CSMD1: variants seen among roughly 807,000 people sequenced by gnomAD.
CSMD1 encodes the protein CUB and sushi domain-containing protein 1.
In CSMD1, 213 loss-of-function variants were observed where a neutral mutation model predicts 417.5. That is an observed-to-expected ratio of 0.51 (90% CI 0.46 to 0.57). CSMD1 has a LOEUF of 0.57. Among genes scored for constraint, CSMD1 ranks in the 20% least tolerant of loss-of-function variants. The pLI, the probability that CSMD1 is intolerant of heterozygous loss-of-function variation, is 0.00. For missense variants in CSMD1, 6,923 were observed against 4,529.7 expected, an observed-to-expected ratio of 1.53 and a Z score of -15.17; for synonymous variants, 2,862 against 1,736.8, an observed-to-expected ratio of 1.65 and a Z score of -16.11.
At position 4,637,425 on chromosome 8, in the gene CSMD1, G is replaced by C. The variant is rs775668346; in HGVS notation, c.219C>G (p.Ser73=). 1 of 1,613,694 alleles carries C rather than the reference G, an allele frequency of 6.2e-7. No homozygotes were observed. The highest frequency in any genetic ancestry group is 8.5e-7 in the Non-Finnish European group (1 of 1,179,878). The change falls in exon 2 of 70, where the codon TCC becomes TCG. Residue 73 remains serine (S), a synonymous_variant. Transcript: ENST00000635120. ...ITGERNRIQL[S]FHTFALEEDF... Reference sequence around the variant, plus strand: ...CTTCTTCAAGAGCAAAGGTATGGAAGGACAACTGTATCCTATTGCGCTCGC... The same window carrying C: ...CTTCTTCAAGAGCAAAGGTATGGAACGACAACTGTATCCTATTGCGCTCGC...
At chr8:4,527,764 G>A (rs536369572) in intron 2 of CSMD1, among the ~76,000 whole-genome samples, 49 of 152,234 alleles carry the variant, frequency 3.2e-4, no homozygotes, top group East Asian at 1.5e-3. Context: ...CACTACAATC[G>A]TAGCTATTCA....
intron 3 of CSMD1, among the ~76,000 whole-genome samples, chr8:4,377,545 T>G (rs575320946): frequency 1.3e-5 from 2 of 152,194 alleles, no homozygotes; most frequent in African/African-American, 4.8e-5. Context: ...ATACTCAAAG[T>G]TGAGTCAGTA....
At chr8:4,579,117 CA>C (rs1799287114) in intron 2 of CSMD1, among the ~76,000 whole-genome samples, 1 of 151,780 alleles carries the variant, frequency 6.6e-6, no homozygotes, top group Non-Finnish European at 1.5e-5. Flanking sequence ...ATAAAACATG[CA>C]GGAAGAGCAG....
At chr8:4,325,957 A>G (rs1490137102) in intron 3 of CSMD1, among the ~76,000 whole-genome samples, 2 of 152,150 alleles carry the variant, frequency 1.3e-5, no homozygotes, top group Non-Finnish European at 2.9e-5. Flanking sequence ...CGGTCATATC[A>G]GTCTACAGTA....
At chr8:4,550,632 G>A (rs549647136) in intron 2 of CSMD1, among the ~76,000 whole-genome samples, 1 of 151,938 alleles carries the variant, frequency 6.6e-6, no homozygotes, top group East Asian at 1.9e-4. Context: ...ATAGATGTTG[G>A]GATTTAAAAG....
chr8:3,673,889 A>G (rs1177303388), intron 7 of CSMD1, among the ~76,000 whole-genome samples: 1 of 152,106 alleles, frequency 6.6e-6, no homozygotes, highest in Non-Finnish European at 1.5e-5. Context: ...AGGCCAAGGC[A>G]GGCAGAATGC....
At chr8:3,275,495 G>C (rs1215270717) in intron 26 of CSMD1, among the ~76,000 whole-genome samples, 1 of 152,186 alleles carries the variant, frequency 6.6e-6, no homozygotes, top group Non-Finnish European at 1.5e-5. Flanking sequence ...GATTGGGGAA[G>C]TTCTCCTGGA....
At chr8:4,678,162 G>C (rs1805812403) in intron 1 of CSMD1, among the ~76,000 whole-genome samples, 1 of 151,932 alleles carries the variant, frequency 6.6e-6, no homozygotes, top group African/African-American at 2.4e-5. Flanking sequence ...TGTAATCCCA[G>C]TGCTTTAGGA....
intron 41 of CSMD1, 126 bp from the exon 42 acceptor site, chr8:3,118,713 T>A (rs1475396669): frequency 1.3e-6 from 1 of 759,360 alleles, no homozygotes; most frequent in Non-Finnish European, 2.1e-6. Flanking sequence ...ATAAGGTATA[T>A]TTTCTAAGTA....
chr8:3,718,910 G>C (rs919923162), intron 6 of CSMD1, among the ~76,000 whole-genome samples: 3 of 152,060 alleles, frequency 2.0e-5, no homozygotes, highest in East Asian at 3.9e-4. Flanking sequence ...TACACCACCG[G>C]AGCCAATTTA....
chr8:3,728,042 T>G (rs947090670), intron 6 of CSMD1, among the ~76,000 whole-genome samples: 1 of 152,120 alleles, frequency 6.6e-6, no homozygotes, highest in Non-Finnish European at 1.5e-5. Context: ...GCCCCTGAAT[T>G]GTACATTTGA....
intron 5 of CSMD1, among the ~76,000 whole-genome samples, chr8:3,997,058 T>A (rs1288040235): frequency 6.6e-6 from 1 of 152,232 alleles, no homozygotes; most frequent in South Asian, 2.1e-4. Flanking sequence ...TACCTGAGTT[T>A]CAACATACCC....
At chr8:3,622,390 A>G (rs142000908) in intron 7 of CSMD1, among the ~76,000 whole-genome samples, 3 of 152,288 alleles carry the variant, frequency 2.0e-5, no homozygotes, top group South Asian at 2.1e-4. Context: ...ACAATACCCA[A>G]ACTGGTTGAA....
At chr8:3,997,189 G>A (rs1289012335) in intron 5 of CSMD1, among the ~76,000 whole-genome samples, 1 of 152,170 alleles carries the variant, frequency 6.6e-6, no homozygotes, top group African/African-American at 2.4e-5. Context: ...CTTAATTCAA[G>A]ATAGAAATTA....
intron 1 of CSMD1, among the ~76,000 whole-genome samples, chr8:4,970,741 C>A (rs752805796): frequency 6.6e-6 from 1 of 152,050 alleles, no homozygotes; most frequent in Non-Finnish European, 1.5e-5. Context: ...GTGTGCCTGC[C>A]GTGGTTCTTT....
intron 12 of CSMD1, among the ~76,000 whole-genome samples, chr8:3,459,462 C>G (rs1254327114): frequency 6.6e-6 from 1 of 152,180 alleles, no homozygotes; most frequent in African/African-American, 2.4e-5. Flanking sequence ...ACCTGAATCT[C>G]CGTCTATGAA....
chr8:3,794,985 C>CTATCATGTATAGCTATAGATACA (rs1563086741), intron 5 of CSMD1, among the ~76,000 whole-genome samples: 1 of 86,106 alleles, frequency 1.2e-5, no homozygotes, highest in Non-Finnish European at 2.4e-5. Flanking sequence ...AGATATATAT[C>CTATCATGTATAGCTATAGATACA]TATCTATCAT....
At chr8:4,832,510 G>T (rs114336490) in intron 1 of CSMD1, among the ~76,000 whole-genome samples, 1,545 of 152,246 alleles carry the variant, frequency 0.01, 22 homozygotes, top group African/African-American at 0.035. Flanking sequence ...TAGGCAGAAG[G>T]AACTGTGTGA....
intron 7 of CSMD1, among the ~76,000 whole-genome samples, chr8:3,638,043 G>C (rs931988717): frequency 2.0e-5 from 3 of 152,050 alleles, no homozygotes; most frequent in African/African-American, 4.8e-5. Flanking sequence ...GCAGTCTCAG[G>C]TATGTCCTTA....
Sources: gnomAD v4.1 joint callset for allele counts (sites outside exome capture counted in the v4.1 genomes callset) on GRCh38, gnomAD v4.1.1 for gene constraint, MANE v1.5 for transcripts, NCBI Gene and HGNC (gene_info 2026-07-23, HGNC 2026-07-21) for gene names.